Variants in CLIC4 observed in about 807,000 individuals in gnomAD.
The protein encoded by CLIC4 is CLIC family member 4, also known as chloride intracellular channel protein 4.
Under a neutral mutation model 24.6 loss-of-function variants are expected in CLIC4, and 13 were observed. That is an observed-to-expected ratio of 0.53 (90% CI 0.34 to 0.84). The LOEUF (loss-of-function observed/expected upper bound fraction) is 0.84. Ranked by LOEUF, CLIC4 falls within the 40% of genes least tolerant of loss-of-function variation. The pLI is 0.01. For synonymous variants in CLIC4, 104 were observed against 111.3 expected (o/e 0.93, Z 0.41); for missense variants, 227 against 301.7 (o/e 0.75, Z 1.83).
intron 2 of CLIC4, among the ~76,000 whole-genome samples, chr1:24,804,916 A>G (rs1270796630): frequency 2.0e-5 from 3 of 151,854 alleles, no homozygotes; most frequent in Admixed American, 6.6e-5. Context: ...CCTGGCCAAC[A>G]TGGTGAAATC....
intron 2 of CLIC4, among the ~76,000 whole-genome samples, chr1:24,808,550 C>T (rs571061271): frequency 6.7e-6 from 1 of 149,198 alleles, no homozygotes; most frequent in Non-Finnish European, 1.5e-5. Flanking sequence ...GGGTCTCATT[C>T]TGTCGCCCAG....
intron 4 of CLIC4, among the ~76,000 whole-genome samples, chr1:24,830,426 A>C (rs1639828682): frequency 6.6e-6 from 1 of 151,626 alleles, no homozygotes; most frequent in Non-Finnish European, 1.5e-5. Context: ...AACCATTTCC[A>C]TGTTGATAGA....
At position 24,764,801 on chromosome 1, in the gene CLIC4, G is replaced by T. The variant is rs935373041; in HGVS notation, c.72+19176G>T. ...GATTCACCACTAAAGCCCTAAATTT[G>T]TTTTTATTTACTTTGTGTTTTAACT... On this transcript the variant is annotated intron_variant, in intron 1 of 5. Coordinates refer to ENST00000374379, the MANE Select transcript of CLIC4 (RefSeq NM_013943.3). Among the ~76,000 whole-genome samples the T allele has an allele frequency of 3.3e-5, 5 of 152,190 alleles. No homozygotes were observed. In the East Asian group the frequency reaches 9.6e-4, roughly 29 times the overall value.
At chr1:24,805,933 A>G (rs560215748) in intron 2 of CLIC4, among the ~76,000 whole-genome samples, 2 of 152,296 alleles carry the variant, frequency 1.3e-5, no homozygotes, top group Admixed American at 1.3e-4. Context: ...AAAAAATGGG[A>G]AACAACAGAA....
chr1:24,820,173 C>T (rs1466308353), intron 3 of CLIC4, among the ~76,000 whole-genome samples: 1 of 141,540 alleles, frequency 7.1e-6, no homozygotes, highest in Non-Finnish European at 1.5e-5. Context: ...GAACTCCTAG[C>T]CTCCTGCCTA....
chr1:24,838,073 A>T (rs1216839937), intron 4 of CLIC4, among the ~76,000 whole-genome samples: 1 of 152,052 alleles, frequency 6.6e-6, no homozygotes, highest in Non-Finnish European at 1.5e-5. Flanking sequence ...GCATGAACTC[A>T]TCTCCGTAGC....
At chr1:24,791,901 A>C (rs1285611644) in intron 1 of CLIC4, among the ~76,000 whole-genome samples, 2 of 149,902 alleles carry the variant, frequency 1.3e-5, no homozygotes, top group East Asian at 2.0e-4. Flanking sequence ...ATAAATAAAT[A>C]AGCCAGCCAT....
chr1:24,840,084 T>C (rs927342764), intron 5 of CLIC4, 43 bp downstream of exon 5: 1 of 1,538,618 alleles, frequency 6.5e-7, no homozygotes, highest in African/African-American at 1.4e-5. Flanking sequence ...TTACCTTGTA[T>C]TGTATTTACT....
chr1:24,837,478 G>A (rs1405667831), intron 4 of CLIC4, among the ~76,000 whole-genome samples: 1 of 152,152 alleles, frequency 6.6e-6, no homozygotes, highest in African/African-American at 2.4e-5. Context: ...GAAGAAGTAA[G>A]GTTATACTTT....
intron 1 of CLIC4, among the ~76,000 whole-genome samples, chr1:24,770,900 A>G (rs140663979): frequency 2.0e-5 from 3 of 152,290 alleles, no homozygotes; most frequent in African/African-American, 7.2e-5. Flanking sequence ...GCTAAATGGT[A>G]ATAGGATTTC....
chr1:24,805,124 C>T (rs1427588675), intron 2 of CLIC4, among the ~76,000 whole-genome samples: 1 of 136,188 alleles, frequency 7.3e-6, no homozygotes, highest in Non-Finnish European at 1.6e-5. Context: ...CAAAGACAAA[C>T]GAATTATGGA....
chr1:24,762,277 C>T (rs930908169), intron 1 of CLIC4, among the ~76,000 whole-genome samples: 2 of 152,070 alleles, frequency 1.3e-5, no homozygotes, highest in African/African-American at 2.4e-5. Context: ...AAAAAATCAG[C>T]TGGGCGTGAT....
intron 1 of CLIC4, among the ~76,000 whole-genome samples, chr1:24,755,738 C>T (rs943489736): frequency 6.6e-6 from 1 of 151,098 alleles, no homozygotes; most frequent in African/African-American, 2.4e-5. Context: ...ATATGTTAGT[C>T]TAATTTATGA....
intron 1 of CLIC4, among the ~76,000 whole-genome samples, chr1:24,786,861 G>A (rs59748851): frequency 0.032 from 4,839 of 151,774 alleles, 293 homozygotes; most frequent in African/African-American, 0.11. Flanking sequence ...CTCGTGATCC[G>A]CCCGCCTTGG....
intron 2 of CLIC4, among the ~76,000 whole-genome samples, chr1:24,810,337 T>G (rs1405215544): frequency 1.2e-4 from 18 of 152,226 alleles, no homozygotes; most frequent in Non-Finnish European, 7.3e-5. Flanking sequence ...CCCCCACCTG[T>G]GTCTGGTAAA....
At chr1:24,773,002 T>C (rs1639090326) in intron 1 of CLIC4, among the ~76,000 whole-genome samples, 1 of 152,212 alleles carries the variant, frequency 6.6e-6, no homozygotes, top group Non-Finnish European at 1.5e-5. Context: ...AATTTGGCTT[T>C]AAGCAATATT....
chr1:24,752,584 T>C (rs1024082672), intron 1 of CLIC4, among the ~76,000 whole-genome samples: 1 of 152,174 alleles, frequency 6.6e-6, no homozygotes, highest in Non-Finnish European at 1.5e-5. Flanking sequence ...TCACATTCTA[T>C]TGGAGAGAAC....
chr1:24,748,508 T>TTG (rs1385337276), intron 1 of CLIC4, among the ~76,000 whole-genome samples: 8 of 142,920 alleles, frequency 5.6e-5, no homozygotes, highest in South Asian at 2.3e-4. Flanking sequence ...TGTTTTTTTT[T>TTG]TTTTTTTTTT....
chr1:24,840,740 A>T (rs1215581705), intron 5 of CLIC4, 33 bp from the exon 6 acceptor site: 1 of 1,550,800 alleles, frequency 6.4e-7, no homozygotes, highest in South Asian at 1.2e-5. Flanking sequence ...CGTGGAAATA[A>T]GTCTGTTAAC....
Sources: gnomAD v4.1 joint callset for allele counts (sites outside exome capture counted in the v4.1 genomes callset) on GRCh38, gnomAD v4.1.1 for gene constraint, MANE v1.5 for transcripts, NCBI Gene and HGNC (gene_info 2026-07-23, HGNC 2026-07-21) for gene names.